DNAH14: variants seen among roughly 807,000 people sequenced by gnomAD.
DNAH14 encodes the protein axonemal beta dynein heavy chain 14.
Under a neutral mutation model 520.9 loss-of-function variants are expected in DNAH14, and 478 were observed. That is an observed-to-expected ratio of 0.92 (90% CI 0.85 to 0.99). DNAH14 has a LOEUF of 0.99. DNAH14 is among the 50% of genes least tolerant of loss of function. The pLI is 0.00. For synonymous variants in DNAH14, 1,581 were observed against 1,757.2 expected (o/e 0.90, Z 2.51); for missense variants, 4,831 against 5,234.5 (o/e 0.92, Z 2.38).
At chr1:225,275,139 G>A (rs749448910) in intron 52 of DNAH14, among the ~76,000 whole-genome samples, 17 of 152,238 alleles carry the variant, frequency 1.1e-4, no homozygotes, top group East Asian at 1.9e-4. Flanking sequence ...ATATATTTTC[G>A]AATTATCATA....
intron 54 of DNAH14, among the ~76,000 whole-genome samples, chr1:225,286,475 A>G (rs1009394025): frequency 6.6e-6 from 1 of 152,354 alleles, no homozygotes; most frequent in Non-Finnish European, 1.5e-5. Flanking sequence ...TTACAAAAGC[A>G]TATGAAAAGG....
At chr1:225,372,671 G>T (rs1467618308) in intron 77 of DNAH14, among the ~76,000 whole-genome samples, 1 of 152,078 alleles carries the variant, frequency 6.6e-6, no homozygotes, top group East Asian at 1.9e-4. Context: ...CAAGTAACCC[G>T]AATTGAAAAC....
chr1:225,077,885 T>A lies in DNAH14; in HGVS notation c.2425-1322T>A, dbSNP rs372297463. 2.6e-5 allele frequency among the ~76,000 whole-genome samples: 4 copies of A among 152,284 alleles called. No homozygotes were observed. In the East Asian group the frequency reaches 7.7e-4, roughly 29 times the overall value. ...TAAACTTTTCCATCTTATAAACTTT[T>A]TTGTATTGTGATTTTTGCATGAACA... On this transcript the variant is annotated intron_variant, in intron 17 of 85. Coordinates refer to ENST00000682510, the MANE Select transcript of DNAH14 (RefSeq NM_001367479.1).
chr1:224,946,811 T>C (rs550431717), intron 1 of DNAH14, among the ~76,000 whole-genome samples: 9 of 151,892 alleles, frequency 5.9e-5, no homozygotes, highest in African/African-American at 2.2e-4. Context: ...AGGAAATGAA[T>C]CTAATTTCAT....
Position 225,369,423 on chromosome 1 carries a change from TAGTC to T in DNAH14, c.12318+1394_12318+1397del, listed in dbSNP as rs767944551. ...AAAGCAGAAATGGCAATATTAATATTAGTCAGAATGTAATGACTGAGAGTGCTAT... is the reference window on the plus strand; with the variant it reads ...AAAGCAGAAATGGCAATATTAATATTAGAATGTAATGACTGAGAGTGCTAT... On this transcript the variant is annotated intron_variant, in intron 77 of 85. Transcript: ENST00000682510. Among the ~76,000 whole-genome samples, 252 of 151,980 alleles carry T rather than the reference TAGTC, an allele frequency of 1.7e-3. 1 individual carries two copies. The highest frequency in any genetic ancestry group is 1.8e-3 in the Non-Finnish European group (122 of 67,950).
intron 41 of DNAH14, among the ~76,000 whole-genome samples, chr1:225,215,003 G>A (rs2089076918): frequency 6.6e-6 from 1 of 152,092 alleles, no homozygotes; most frequent in Non-Finnish European, 1.5e-5. Flanking sequence ...TGATGTTAGG[G>A]TGTCAATTTT....
rs1438531294 is a variant in DNAH14, at chr1:225,222,141, G to A, written c.6440-8932G>A. The stretch of plus-strand genomic sequence containing the variant: ...GGACAGACTTGGCAGGTGGTGCCTC[G>A]TGTGAGGAACACTGCAATGGATCAT... On this transcript the variant is annotated intron_variant, in intron 41 of 85. Transcript: ENST00000682510. Among the ~76,000 whole-genome samples, 7 of 152,276 alleles carry A rather than the reference G, an allele frequency of 4.6e-5. 1 individual carries two copies. The highest frequency in any genetic ancestry group is 3.9e-4 in the East Asian group (2 of 5,176).
chr1:225,158,402 T>G (rs1426489660), intron 34 of DNAH14, among the ~76,000 whole-genome samples: 1 of 152,194 alleles, frequency 6.6e-6, no homozygotes, highest in Non-Finnish European at 1.5e-5. Flanking sequence ...ATATTCTCAG[T>G]ACTGCAGTCC....
At chr1:225,011,178 TA>T (rs1349027475) in intron 10 of DNAH14, among the ~76,000 whole-genome samples, 4 of 152,190 alleles carry the variant, frequency 2.6e-5, no homozygotes, top group African/African-American at 9.6e-5. Flanking sequence ...CTAGTTCTTT[TA>T]ATTGTGATGT....
intron 41 of DNAH14, among the ~76,000 whole-genome samples, chr1:225,216,975 G>C (rs549259435): frequency 6.6e-6 from 1 of 152,150 alleles, no homozygotes. Context: ...AGGAGAAGAG[G>C]CGCTCTGATT....
chr1:225,050,668 G>T (rs185575665), intron 16 of DNAH14, among the ~76,000 whole-genome samples: 3 of 152,070 alleles, frequency 2.0e-5, no homozygotes, highest in African/African-American at 7.2e-5. Context: ...GCATCAACTG[G>T]GTATTTTTGT....
At chr1:225,175,009 A>G (rs780928715) in intron 36 of DNAH14, among the ~76,000 whole-genome samples, 28 of 152,150 alleles carry the variant, frequency 1.8e-4, no homozygotes, top group Non-Finnish European at 4.0e-4. Flanking sequence ...CAATCCTTTC[A>G]TTGCTGGGAT....
intron 84 of DNAH14, chr1:225,396,473 G>A (rs1277377287): frequency 6.6e-6 from 1 of 152,132 alleles, no homozygotes; most frequent in Non-Finnish European, 1.5e-5. Flanking sequence ...CAGATCATAA[G>A]CTTTGAACCC....
chr1:225,131,783 A>G (rs1285739359), intron 27 of DNAH14, among the ~76,000 whole-genome samples: 2 of 152,196 alleles, frequency 1.3e-5, no homozygotes, highest in African/African-American at 4.8e-5. Flanking sequence ...TGTGATGTCA[A>G]TAAAACAAAA....
At chr1:225,029,751 T>C (rs1161866482) in intron 11 of DNAH14, among the ~76,000 whole-genome samples, 1 of 151,904 alleles carries the variant, frequency 6.6e-6, no homozygotes, top group Non-Finnish European at 1.5e-5. Context: ...AAGTGTATCA[T>C]ATACCCTACA....
intron 23 of DNAH14, among the ~76,000 whole-genome samples, chr1:225,110,242 T>C (rs1217687336): frequency 6.6e-6 from 1 of 152,058 alleles, no homozygotes; most frequent in Non-Finnish European, 1.5e-5. Context: ...TGGAAGACTT[T>C]ATGAGGATTG....
chr1:225,026,118 T>C (rs1294295845), intron 11 of DNAH14, among the ~76,000 whole-genome samples: 1 of 152,012 alleles, frequency 6.6e-6, no homozygotes, highest in African/African-American at 2.4e-5. Flanking sequence ...GTTCATGCTA[T>C]CATGCCCAAC....
intron 17 of DNAH14, among the ~76,000 whole-genome samples, chr1:225,052,545 C>T (rs2068642011): frequency 6.6e-6 from 1 of 152,126 alleles, no homozygotes. Flanking sequence ...ATATGCCAGG[C>T]ATTGTACTAG....
intron 8 of DNAH14, among the ~76,000 whole-genome samples, chr1:224,985,936 G>C (rs1161727551): frequency 6.6e-6 from 1 of 151,942 alleles, no homozygotes; most frequent in Non-Finnish European, 1.5e-5. Context: ...GAATCTAAGA[G>C]TTATTGGCCT....
Sources: gnomAD v4.1 joint callset for allele counts (sites outside exome capture counted in the v4.1 genomes callset) on GRCh38, gnomAD v4.1.1 for gene constraint, MANE v1.5 for transcripts, NCBI Gene and HGNC (gene_info 2026-07-23, HGNC 2026-07-21) for gene names.